ST3GAL3: variants seen among roughly 807,000 people sequenced by gnomAD.
The protein encoded by ST3GAL3 is ST3 beta-galactoside alpha-2,3-sialyltransferase 3, also known as CMP-N-acetylneuraminate-beta-1,4-galactoside alpha-2,3-sialyltransferase.
In ST3GAL3, 21 loss-of-function variants were observed where a neutral mutation model predicts 50.1. That is an observed-to-expected ratio of 0.42 (90% CI 0.30 to 0.60). The LOEUF is 0.60. Ranked by LOEUF, ST3GAL3 falls within the 20% of genes least tolerant of loss-of-function variation. The pLI, the probability that ST3GAL3 is intolerant of heterozygous loss-of-function variation, is 0.19. For missense variants in ST3GAL3, 353 were observed against 489.4 expected (o/e 0.72, Z 2.63); for synonymous variants, 183 against 190.0 (o/e 0.96, Z 0.30).
chr1:43,906,635 T>G (rs1490872871), intron 9 of ST3GAL3, among the ~76,000 whole-genome samples: 1 of 133,808 alleles, frequency 7.5e-6, no homozygotes, highest in African/African-American at 2.8e-5. Context: ...CTGCCACTCT[T>G]CCCCCTCCTC....
At chr1:43,786,161 T>C (rs2057312073) in intron 2 of ST3GAL3, among the ~76,000 whole-genome samples, 1 of 152,152 alleles carries the variant, frequency 6.6e-6, no homozygotes, top group African/African-American at 2.4e-5. Flanking sequence ...AATCTACCTT[T>C]TACTCAGTTG....
At chr1:43,844,466 A>G (rs2065899104) in intron 5 of ST3GAL3, among the ~76,000 whole-genome samples, 1 of 152,190 alleles carries the variant, frequency 6.6e-6, no homozygotes, top group Non-Finnish European at 1.5e-5. Context: ...TCAGTCAGGA[A>G]ATTACAAAGG....
At chr1:43,829,242 CT>C (rs2063217532) in intron 4 of ST3GAL3, among the ~76,000 whole-genome samples, 1 of 152,084 alleles carries the variant, frequency 6.6e-6, no homozygotes, top group Admixed American at 6.5e-5. Flanking sequence ...AGTTGAATTT[CT>C]TTATTTCTTT....
In ST3GAL3 at chr1:43,920,943, A is replaced by G. The variant is rs3120803; in HGVS notation, c.1038+15A>G. On this transcript the variant is annotated intron_variant, in intron 11 of 11. Coordinates refer to ENST00000347631, the MANE Select transcript of ST3GAL3 (RefSeq NM_006279.5). ...CCATCAAAGAGGTTCGGGGCTGGGT[A>G]TGGGGGCAATCCCTGGGTGGGGATG... is the stretch of plus-strand genomic sequence containing the variant. 0.9 allele frequency: 1,441,676 copies of G among 1,597,322 alleles called. 652,870 individuals carry two copies. The highest frequency in any genetic ancestry group is 0.92 in the Non-Finnish European group (1,082,976 of 1,171,638).
chr1:43,799,533 C>T (rs779445139), intron 3 of ST3GAL3: 4 of 152,168 alleles, frequency 2.6e-5, no homozygotes, highest in South Asian at 2.1e-4. Flanking sequence ...CCTAACAAGA[C>T]AGAAGAGGCA....
At chr1:43,852,002 A>G (rs937920934) in intron 5 of ST3GAL3, among the ~76,000 whole-genome samples, 7 of 152,188 alleles carry the variant, frequency 4.6e-5, no homozygotes, top group Non-Finnish European at 1.0e-4. Flanking sequence ...TGTGTGAAGC[A>G]TACATTCTCT....
intron 5 of ST3GAL3, among the ~76,000 whole-genome samples, chr1:43,867,161 C>A (rs115353118): frequency 2.0e-3 from 310 of 152,276 alleles, no homozygotes; most frequent in African/African-American, 7.2e-3. Flanking sequence ...TCTCGTGAGA[C>A]TCATTCACTA....
At chr1:43,817,453 T>C (rs1246565498) in intron 4 of ST3GAL3, among the ~76,000 whole-genome samples, 2 of 142,982 alleles carry the variant, frequency 1.4e-5, no homozygotes, top group African/African-American at 5.1e-5. Context: ...TCCTTCTTCT[T>C]TCTTCTTTCT....
intron 9 of ST3GAL3, 190 bp from the exon 10 acceptor site, chr1:43,920,214 C>G (rs1016955526): frequency 1.2e-5 from 8 of 668,116 alleles, no homozygotes; most frequent in Non-Finnish European, 2.1e-5. Context: ...TCTTCACCAT[C>G]ATTCCCCTTG....
At position 43,736,323 on chromosome 1, in the gene ST3GAL3, G is replaced by T; in HGVS notation, c.61G>T (p.Gly21Ter). Residue 21 changes from glycine (G) to a stop codon, truncating the protein, a stop_gained, in exon 2 of 12, where the codon GGA becomes TGA. Transcript: ENST00000347631. LOFTEE classifies it high-confidence loss of function. ...AGCCCTCTGCCTCTTTCTGGTACTG[G>T]GATTTTTGTATTATTCTGCGTGGAA... Reference protein sequence around the residue: ...LLALCLFLVLGFLYYSAWKLH... With the variant: ...LLALCLFLVL 1 of 1,614,138 alleles carries T rather than the reference G, an allele frequency of 6.2e-7. No homozygotes were observed. The highest frequency in any genetic ancestry group is 8.5e-7 in the Non-Finnish European group (1 of 1,180,026).
chr1:43,801,382 T>C (rs1052267075), intron 3 of ST3GAL3: 6 of 456,130 alleles, frequency 1.3e-5, no homozygotes, highest in African/African-American at 8.0e-5. Flanking sequence ...AGGCTCATCA[T>C]GTACAACCGT....
intron 3 of ST3GAL3, among the ~76,000 whole-genome samples, chr1:43,806,326 G>C (rs574954031): frequency 6.6e-6 from 1 of 152,264 alleles, no homozygotes; most frequent in East Asian, 1.9e-4. Flanking sequence ...GTAGCTCTCA[G>C]GCATAAAGGC....
intron 2 of ST3GAL3, among the ~76,000 whole-genome samples, chr1:43,768,407 C>T (rs1558215668): frequency 6.6e-6 from 1 of 152,136 alleles, no homozygotes; most frequent in South Asian, 2.1e-4. Context: ...CACTACTGCA[C>T]TCCAGTCTGG....
At chr1:43,917,456 TAA>T (rs1557532243) in intron 9 of ST3GAL3, among the ~76,000 whole-genome samples, 12 of 23,708 alleles carry the variant, frequency 5.1e-4, no homozygotes, top group Non-Finnish European at 2.6e-3. Flanking sequence ...ATATAATATA[TAA>T]TATATATAAT....
At chr1:43,866,895 G>C (rs1375567386) in intron 5 of ST3GAL3, among the ~76,000 whole-genome samples, 1 of 152,170 alleles carries the variant, frequency 6.6e-6, no homozygotes, top group Non-Finnish European at 1.5e-5. Flanking sequence ...ACTTTGGGAG[G>C]CCGTGGTGGG....
At chr1:43,767,369 T>C (rs1327999195) in intron 2 of ST3GAL3, among the ~76,000 whole-genome samples, 1 of 151,970 alleles carries the variant, frequency 6.6e-6, no homozygotes, top group Admixed American at 6.6e-5. Context: ...CCTGGGCAGG[T>C]AGGTAATGAG....
At chr1:43,810,324 C>A (rs1415118293) in intron 3 of ST3GAL3, among the ~76,000 whole-genome samples, 1 of 152,084 alleles carries the variant, frequency 6.6e-6, no homozygotes, top group African/African-American at 2.4e-5. Flanking sequence ...AAAGCAGCCT[C>A]CCCTGGAGAG....
At chr1:43,761,718 A>G (rs1409698223) in intron 2 of ST3GAL3, among the ~76,000 whole-genome samples, 1 of 151,846 alleles carries the variant, frequency 6.6e-6, no homozygotes. Context: ...TGGGAGGCCA[A>G]GGTGGGCGGA....
At chr1:43,708,109 G>A (rs1437754631) in intron 1 of ST3GAL3, 2 of 152,328 alleles carry the variant, frequency 1.3e-5, no homozygotes, top group African/African-American at 4.8e-5. Context: ...ATTGCTTACT[G>A]CTCTAGCGGG....
Sources: gnomAD v4.1 joint callset for allele counts (sites outside exome capture counted in the v4.1 genomes callset) on GRCh38, gnomAD v4.1.1 for gene constraint, MANE v1.5 for transcripts, NCBI Gene and HGNC (gene_info 2026-07-23, HGNC 2026-07-21) for gene names.